Variants in ARHGAP10 observed in about 807,000 individuals in gnomAD.
ARHGAP10 encodes Rho GTPase activating protein 10, also known as rho GTPase-activating protein 10.
In ARHGAP10, 87 loss-of-function variants were observed where a neutral mutation model predicts 108.6. That is an observed-to-expected ratio of 0.80 (90% confidence interval 0.67 to 0.96). The LOEUF (loss-of-function observed/expected upper bound fraction) is 0.96, where lower values mean the gene tolerates loss of function less well. ARHGAP10 is among the 40% of genes least tolerant of loss of function. The pLI is 0.00. For missense variants in ARHGAP10, 939 were observed against 954.5 expected, an observed-to-expected ratio of 0.98 and a Z score of 0.21; for synonymous variants, 347 against 341.1, an observed-to-expected ratio of 1.02 and a Z score of -0.19.
chr4:148,011,757 A>G (rs896492927), intron 18 of ARHGAP10, among the ~76,000 whole-genome samples: 5 of 152,208 alleles, frequency 3.3e-5, no homozygotes, highest in Admixed American at 6.5e-5. Flanking sequence ...AATTGTAAAT[A>G]TAGCCATTTT....
chr4:147,968,045 A>C (rs1259489944), intron 18 of ARHGAP10, among the ~76,000 whole-genome samples: 1 of 152,250 alleles, frequency 6.6e-6, no homozygotes, highest in Non-Finnish European at 1.5e-5. Flanking sequence ...ACAAGACCTG[A>C]GTATGGCATT....
rs539371763 is a variant in ARHGAP10 at position 148,063,230 on chromosome 4, C to A, written c.2110C>A (p.Pro704Thr). The A allele has an allele frequency of 6.2e-7, 1 of 1,614,218 alleles. No homozygotes were observed. The highest frequency in any genetic ancestry group is 1.1e-5 in the South Asian group (1 of 91,078). ...AACAAGCTCCAACTCAGCTGTGACA[C>A]CTCTTTCACCCGGGTCGTCCCCTTT... is the stretch of plus-strand genomic sequence containing the variant. ...TTTSSNSAVT[P>T]LSPGSSPFPF... The change falls in exon 21 of 23, where the codon CCT (proline) becomes ACT (threonine). Residue 704 changes from proline (P) to threonine (T), a missense_variant. Pro to Thr is a conservative substitution (Grantham distance 38). Coordinates refer to ENST00000336498, the MANE Select transcript of ARHGAP10 (RefSeq NM_024605.4).
chr4:147,899,575 A>G (rs1261199450), intron 10 of ARHGAP10, among the ~76,000 whole-genome samples: 3 of 152,200 alleles, frequency 2.0e-5, no homozygotes, highest in Admixed American at 1.3e-4. Flanking sequence ...AATTGCTTGA[A>G]TTCACTTTCA....
At chr4:147,823,002 GA>G (rs770049052) in intron 3 of ARHGAP10, 45 bp downstream of exon 3, 66 of 1,556,450 alleles carry the variant, frequency 4.2e-5, no homozygotes, top group East Asian at 4.0e-4. Flanking sequence ...TTTCAAGGGG[GA>G]AAAAAATCTG....
rs753395866 is a variant in ARHGAP10 at position 147,857,561 on chromosome 4, AAAG to A, written c.397_399del (p.Lys133del). On this transcript the variant is annotated inframe_deletion, in exon 5 of 23. Transcript: ENST00000336498. ...TTTTTTTTTATTTGTAGGAAGAAAA[AAAG>A]AAGTTTGACAAAGAGACAGAAAAGA... The A allele has an allele frequency of 1.0e-5, 15 of 1,484,942 alleles. No homozygotes were observed. Among genetic ancestry groups the A allele is most frequent in the Non-Finnish European group, 1.3e-5 (14 of 1,119,786 alleles). 92.0% of individuals were successfully genotyped at this position (1,484,942 alleles called of 1,614,324 possible).
At chr4:147,787,915 G>C (rs1730958234) in intron 1 of ARHGAP10, among the ~76,000 whole-genome samples, 1 of 152,204 alleles carries the variant, frequency 6.6e-6, no homozygotes, top group African/African-American at 2.4e-5. Context: ...AGTGAATAAG[G>C]AGGGTACCTT....
At chr4:147,901,537 A>G (rs1736242297) in intron 10 of ARHGAP10, among the ~76,000 whole-genome samples, 1 of 152,226 alleles carries the variant, frequency 6.6e-6, no homozygotes, top group Admixed American at 6.5e-5. Flanking sequence ...TCTTTCAACA[A>G]ATTTGTTCTC....
intron 13 of ARHGAP10, among the ~76,000 whole-genome samples, chr4:147,925,378 A>G (rs991875287): frequency 9.2e-5 from 14 of 152,162 alleles, no homozygotes; most frequent in African/African-American, 2.9e-4. Context: ...AGGAATGAAA[A>G]GGAATCTTGC....
intron 1 of ARHGAP10, among the ~76,000 whole-genome samples, chr4:147,801,487 A>G (rs991985507): frequency 2.0e-5 from 3 of 152,330 alleles, no homozygotes; most frequent in African/African-American, 7.2e-5. Context: ...CCAGTGTTCA[A>G]TTATATTAAG....
intron 21 of ARHGAP10, among the ~76,000 whole-genome samples, chr4:148,064,115 A>G (rs1243707821): frequency 6.6e-6 from 1 of 152,178 alleles, no homozygotes; most frequent in African/African-American, 2.4e-5. Context: ...CTGTGGTTCT[A>G]ACAGTGCTGA....
chr4:147,854,783 C>A (rs973859773), intron 4 of ARHGAP10: 40 of 985,208 alleles, frequency 4.1e-5, no homozygotes, highest in Non-Finnish European at 4.6e-5. Flanking sequence ...AAACAAAACA[C>A]AGCAGCATTT....
chr4:147,888,793 A>G (rs1735675933), intron 10 of ARHGAP10, among the ~76,000 whole-genome samples: 1 of 152,132 alleles, frequency 6.6e-6, no homozygotes. Context: ...AGTTAGTCTC[A>G]TGTGGAGCAA....
chr4:147,914,034 C>A (rs767570326), intron 13 of ARHGAP10, among the ~76,000 whole-genome samples: 1 of 152,024 alleles, frequency 6.6e-6, no homozygotes, highest in Admixed American at 6.5e-5. Context: ...CATCTATAAT[C>A]GCGGCTACTC....
At chr4:147,768,803 A>G (rs1008882405) in intron 1 of ARHGAP10, among the ~76,000 whole-genome samples, 2 of 147,108 alleles carry the variant, frequency 1.4e-5, no homozygotes, top group African/African-American at 5.1e-5. Context: ...CAGTGGTGCC[A>G]TCTCTGTTCA....
chr4:147,816,808 A>G lies in ARHGAP10; in HGVS notation c.155-5919A>G, dbSNP rs563415175. On this transcript the variant is annotated intron_variant, in intron 1 of 22. Coordinates refer to ENST00000336498, the MANE Select transcript of ARHGAP10 (RefSeq NM_024605.4). ...AAGGAAAATATGAAGCTAGTCTACA[A>G]TCCTAGAGGAATTTCATTTCACTTC... Among the ~76,000 whole-genome samples, 6 of 152,344 alleles carry G rather than the reference A, an allele frequency of 3.9e-5. No homozygotes were observed. In the East Asian group the frequency reaches 5.8e-4, roughly 15 times the overall value.
intron 18 of ARHGAP10, among the ~76,000 whole-genome samples, chr4:148,010,675 A>G (rs1741135579): frequency 6.6e-6 from 1 of 152,168 alleles, no homozygotes; most frequent in South Asian, 2.1e-4. Context: ...CATGGTCACA[A>G]TACTGTTATC....
At chr4:147,790,924 CCCT>C (rs1731091467) in intron 1 of ARHGAP10, among the ~76,000 whole-genome samples, 1 of 151,802 alleles carries the variant, frequency 6.6e-6, no homozygotes, top group East Asian at 1.9e-4. Flanking sequence ...CTCCTGTGAC[CCCT>C]CCTCATCCTG....
At chr4:147,793,284 T>C (rs1025904662) in intron 1 of ARHGAP10, among the ~76,000 whole-genome samples, 1 of 150,948 alleles carries the variant, frequency 6.6e-6, no homozygotes, top group Admixed American at 6.7e-5. Context: ...TTAGCAATAT[T>C]GGGGTAAAAT....
At chr4:147,860,589 A>G (rs59129054) in intron 5 of ARHGAP10, among the ~76,000 whole-genome samples, 7,357 of 152,244 alleles carry the variant, frequency 0.048, 575 homozygotes, top group African/African-American at 0.17. Flanking sequence ...CCACACCCCT[A>G]CATTCTACTT....
Sources: gnomAD v4.1 joint callset for allele counts (sites outside exome capture counted in the v4.1 genomes callset) on GRCh38, gnomAD v4.1.1 for gene constraint, MANE v1.5 for transcripts, NCBI Gene and HGNC (gene_info 2026-07-23, HGNC 2026-07-21) for gene names.